PCCA: variants seen among roughly 807,000 people sequenced by gnomAD.
The protein encoded by PCCA is propionyl-CoA carboxylase alpha chain, mitochondrial.
PCCA carries 74 observed loss-of-function variants against 101.3 expected under a neutral mutation model. That is an observed-to-expected ratio of 0.73 (90% CI 0.61 to 0.89). The LOEUF (loss-of-function observed/expected upper bound fraction) is 0.89, where lower values mean the gene tolerates loss of function less well. Ranked by LOEUF, PCCA falls within the 40% of genes least tolerant of loss-of-function variation. PCCA has a pLI of 0.00. For missense variants in PCCA, 891 were observed against 907.0 expected, an observed-to-expected ratio of 0.98 and a Z score of 0.23; for synonymous variants, 294 against 313.6, an observed-to-expected ratio of 0.94 and a Z score of 0.66.
chr13:100,115,799 T>G (rs1227449971), intron 4 of PCCA, among the ~76,000 whole-genome samples: 1 of 152,210 alleles, frequency 6.6e-6, no homozygotes, highest in African/African-American at 2.4e-5. Context: ...TTAGAGACTT[T>G]TCACCACTTC....
intron 12 of PCCA, among the ~76,000 whole-genome samples, chr13:100,274,850 A>G (rs1309368058): frequency 6.6e-6 from 1 of 151,428 alleles, no homozygotes; most frequent in Admixed American, 6.6e-5. Context: ...TTGACACGAC[A>G]CTCTTCAGTC....
intron 2 of PCCA, among the ~76,000 whole-genome samples, chr13:100,110,288 G>A (rs568646875): frequency 3.3e-5 from 5 of 152,078 alleles, no homozygotes; most frequent in African/African-American, 9.7e-5. Flanking sequence ...AGAAATTACC[G>A]TGTGCTAATG....
chr13:100,190,815 G>A (rs1015561147), intron 6 of PCCA, among the ~76,000 whole-genome samples: 2 of 151,468 alleles, frequency 1.3e-5, no homozygotes, highest in Admixed American at 1.3e-4. Context: ...TAAGAAAAAG[G>A]GGCTGGTCGT....
At chr13:100,268,496 G>C (rs182654282) in intron 10 of PCCA, 193 bp from the exon 11 acceptor site, 1 of 649,452 alleles carries the variant, frequency 1.5e-6, no homozygotes, top group Non-Finnish European at 2.8e-6. Flanking sequence ...TGATAAAAAT[G>C]TTTTATTGAG....
chr13:100,414,173 A>G (rs1452336049), intron 19 of PCCA, among the ~76,000 whole-genome samples: 2 of 152,214 alleles, frequency 1.3e-5, no homozygotes, highest in Non-Finnish European at 2.9e-5. Flanking sequence ...ACAGATTGAC[A>G]GATCTTCACT....
At chr13:100,103,395 T>G (rs1016624910) in intron 2 of PCCA, among the ~76,000 whole-genome samples, 6 of 151,582 alleles carry the variant, frequency 4.0e-5, no homozygotes, top group Admixed American at 2.6e-4. Flanking sequence ...CACTGCAACC[T>G]ACGCCTCTGG....
intron 18 of PCCA, among the ~76,000 whole-genome samples, chr13:100,341,772 G>A (rs149182229): frequency 7.2e-5 from 11 of 151,974 alleles, no homozygotes; most frequent in South Asian, 2.1e-4. Flanking sequence ...TATTTCAGAA[G>A]TTCTGAGTGT....
At chr13:100,523,952 G>A (rs1359741799) in intron 22 of PCCA, among the ~76,000 whole-genome samples, 1 of 152,232 alleles carries the variant, frequency 6.6e-6, no homozygotes, top group Non-Finnish European at 1.5e-5. Flanking sequence ...TGATGGAGAC[G>A]GAATGGTGGA....
At chr13:100,233,723 A>G (rs1298938993) in intron 7 of PCCA, among the ~76,000 whole-genome samples, 2 of 152,208 alleles carry the variant, frequency 1.3e-5, no homozygotes, top group Non-Finnish European at 2.9e-5. Context: ...TGACAAGTGA[A>G]AAGTTAATTT....
At position 100,418,059 on chromosome 13, in the gene PCCA, A is replaced by G. The variant is rs115317535; in HGVS notation, c.1747-7574A>G. Among the ~76,000 whole-genome samples the G allele has an allele frequency of 3.1e-3, 479 of 152,070 alleles. 1 individual carries two copies. The highest frequency in any genetic ancestry group is 0.011 in the African/African-American group (453 of 41,462). On this transcript the variant is annotated intron_variant, in intron 19 of 23. Transcript: ENST00000376285. ...TGGTCTGTCTGTCTGTCTCCATACA[A>G]TCATTATTCCCTGTATTTTCTCTCC...
chr13:100,280,586 AAGAT>A (rs950138026), intron 12 of PCCA, among the ~76,000 whole-genome samples: 143 of 152,194 alleles, frequency 9.4e-4, no homozygotes, highest in African/African-American at 3.4e-3. Flanking sequence ...CCACATTTGA[AAGAT>A]GGACAGCTAG....
At chr13:100,368,247 G>GA (rs1335758911) in intron 18 of PCCA, among the ~76,000 whole-genome samples, 186 of 151,528 alleles carry the variant, frequency 1.2e-3, no homozygotes, top group African/African-American at 4.1e-3. Flanking sequence ...ACCAAATATT[G>GA]AAAAAAACTA....
At chr13:100,103,553 C>A (rs1269220703) in intron 2 of PCCA, among the ~76,000 whole-genome samples, 1 of 151,812 alleles carries the variant, frequency 6.6e-6, no homozygotes, top group Non-Finnish European at 1.5e-5. Flanking sequence ...CTCAGGTGAT[C>A]CACCTGCCTC....
chr13:100,111,624 C>T (rs764662749), intron 2 of PCCA, among the ~76,000 whole-genome samples: 2 of 152,076 alleles, frequency 1.3e-5, no homozygotes, highest in East Asian at 1.9e-4. Context: ...TGGTTGTAAA[C>T]GGTTATACTA....
intron 11 of PCCA, among the ~76,000 whole-genome samples, chr13:100,269,904 G>A (rs2063190993): frequency 6.6e-6 from 1 of 152,270 alleles, no homozygotes; most frequent in African/African-American, 2.4e-5. Context: ...TCTTTGAGCA[G>A]TGAGGGGAAG....
chr13:100,198,836 A>G (rs938866168), intron 6 of PCCA, among the ~76,000 whole-genome samples: 1 of 151,884 alleles, frequency 6.6e-6, no homozygotes, highest in Non-Finnish European at 1.5e-5. Flanking sequence ...CTAAGTAAAC[A>G]TTTCACCATG....
intron 20 of PCCA, among the ~76,000 whole-genome samples, chr13:100,427,647 C>T (rs1239946965): frequency 1.4e-4 from 21 of 150,376 alleles, no homozygotes; most frequent in Admixed American, 1.3e-3. Context: ...AGGAAGAGGT[C>T]GTTGCATCAA....
intron 9 of PCCA, among the ~76,000 whole-genome samples, chr13:100,260,058 CATT>C (rs1842167224): frequency 6.6e-6 from 1 of 152,102 alleles, no homozygotes. Flanking sequence ...AGATCTCAAT[CATT>C]ATAGTGGAGG....
intron 6 of PCCA, among the ~76,000 whole-genome samples, chr13:100,193,413 G>A (rs953461410): frequency 6.6e-6 from 1 of 152,132 alleles, no homozygotes; most frequent in Non-Finnish European, 1.5e-5. Flanking sequence ...CTACAATATC[G>A]TTTTAGAATC....
Sources: gnomAD v4.1 joint callset for allele counts (sites outside exome capture counted in the v4.1 genomes callset) on GRCh38, gnomAD v4.1.1 for gene constraint, MANE v1.5 for transcripts, NCBI Gene and HGNC (gene_info 2026-07-23, HGNC 2026-07-21) for gene names.